VEZT: variants seen among roughly 807,000 people sequenced by gnomAD.
The protein encoded by VEZT is vezatin.
Under a neutral mutation model 79.9 loss-of-function variants are expected in VEZT, and 39 were observed. The observed-to-expected ratio is 0.49, with a 90% CI of 0.38 to 0.64. The LOEUF is 0.64. VEZT is among the 30% of genes least tolerant of loss of function. The probability of loss-of-function intolerance (pLI) is 0.00; values close to 1 mark genes in which losing one functional copy is unlikely to be tolerated. For missense variants in VEZT, 837 were observed against 893.1 expected (o/e 0.94, Z 0.80); for synonymous variants, 325 against 327.6 (o/e 0.99, Z 0.09).
chr12:95,264,624 A>G (rs2065146113), intron 4 of VEZT, among the ~76,000 whole-genome samples: 2 of 151,868 alleles, frequency 1.3e-5, no homozygotes, highest in South Asian at 4.2e-4. Flanking sequence ...TTTTTCAGAG[A>G]CAGGGTTTTG....
chr12:95,280,681 C>T (rs1398799966), intron 7 of VEZT, among the ~76,000 whole-genome samples: 7 of 152,160 alleles, frequency 4.6e-5, no homozygotes, highest in Non-Finnish European at 1.0e-4. Context: ...CTGTGCCCCT[C>T]TACTTGAATA....
chr12:95,282,613 T>G lies in VEZT; in HGVS notation c.1297T>G (p.Leu433Val), dbSNP rs1303336789. The change falls in exon 8 of 12, where the codon TTG (leucine) becomes GTG (valine). Residue 433 changes from leucine (L) to valine (V), a missense_variant. Physicochemically the swap from Leu to Val is conservative, Grantham distance 32 (BLOSUM62 1). Transcript: ENST00000436874. The part of the protein sequence containing the change: ...LNNVHTAVRS[L>V]QLHLKALLNE... Reference sequence around the variant, plus strand: ...TAATGTTCACACAGCAGTGCGTAGCTTGCAGCTCCATCTGAAAGCATTACT... The same window carrying G: ...TAATGTTCACACAGCAGTGCGTAGCGTGCAGCTCCATCTGAAAGCATTACT... The G allele has an allele frequency of 1.2e-6, 2 of 1,607,902 alleles. No individual in the cohort carries two copies. Among genetic ancestry groups the G allele is most frequent in the Non-Finnish European group, 8.5e-7 (1 of 1,175,792 alleles).
chr12:95,230,814 G>C (rs1393557036), intron 1 of VEZT, among the ~76,000 whole-genome samples: 1 of 152,078 alleles, frequency 6.6e-6, no homozygotes, highest in African/African-American at 2.4e-5. Flanking sequence ...CAGTTAATTA[G>C]CTAGATTTCA....
chr12:95,223,987 T>C (rs1274986018), intron 1 of VEZT, among the ~76,000 whole-genome samples: 1 of 152,204 alleles, frequency 6.6e-6, no homozygotes, highest in Non-Finnish European at 1.5e-5. Flanking sequence ...ATCACGAAAG[T>C]TTTGAAATGT....
At chr12:95,240,021 AAAGGAAGGAAGGAAGGAAGGAAGGAAGG>A (rs372963849) in intron 1 of VEZT, among the ~76,000 whole-genome samples, 173 of 81,464 alleles carry the variant, frequency 2.1e-3, no homozygotes, top group Middle Eastern at 5.2e-3. Flanking sequence ...AGAGAGAAAG[AAAGGAAGGAAGGAAGGAAGGAAGGAAGG>A]AAGGAAGGAA....
chr12:95,286,275 A>C, intron 8 of VEZT: 3 of 341,746 alleles, frequency 8.8e-6, no homozygotes, highest in Non-Finnish European at 1.7e-5. Context: ...TACAGGTGTG[A>C]GCCACCGTGC....
intron 1 of VEZT, among the ~76,000 whole-genome samples, chr12:95,239,984 A>AGGG (rs2060718910): frequency 2.4e-5 from 3 of 124,590 alleles, no homozygotes; most frequent in Non-Finnish European, 5.6e-5. Flanking sequence ...GAGAGAGAGG[A>AGGG]GAGAGAGAGA....
At chr12:95,232,572 T>A (rs1032701522) in intron 1 of VEZT, among the ~76,000 whole-genome samples, 1 of 152,206 alleles carries the variant, frequency 6.6e-6, no homozygotes, top group Non-Finnish European at 1.5e-5. Flanking sequence ...TTGTGCCTCA[T>A]ACTCTCTTCT....
At chr12:95,228,376 A>G (rs535193979) in intron 1 of VEZT, among the ~76,000 whole-genome samples, 9 of 152,150 alleles carry the variant, frequency 5.9e-5, no homozygotes, top group East Asian at 1.9e-4. Context: ...TCTTACTTGT[A>G]TTATTGATTT....
chr12:95,246,120 T>G (rs2061678502), intron 1 of VEZT, among the ~76,000 whole-genome samples: 1 of 152,170 alleles, frequency 6.6e-6, no homozygotes, highest in Admixed American at 6.5e-5. Context: ...TTTTCTTTTT[T>G]TTCTTTTTCT....
intron 1 of VEZT, among the ~76,000 whole-genome samples, chr12:95,237,841 A>G (rs1406636795): frequency 2.6e-5 from 4 of 152,204 alleles, no homozygotes; most frequent in African/African-American, 9.6e-5. Context: ...TGAAGGATGA[A>G]TAAAAGTCAT....
At chr12:95,295,513 C>T (rs968825740) in intron 10 of VEZT, among the ~76,000 whole-genome samples, 6 of 152,188 alleles carry the variant, frequency 3.9e-5, no homozygotes, top group African/African-American at 2.4e-5. Flanking sequence ...GCAGGTACGT[C>T]GATTAGAGAA....
At chr12:95,287,906 C>A (rs976460702) in intron 9 of VEZT, 49 bp downstream of exon 9, 19 of 1,476,870 alleles carry the variant, frequency 1.3e-5, no homozygotes, top group Non-Finnish European at 1.7e-5. Context: ...CATGCTTATT[C>A]CACTCTGGTA....
At chr12:95,271,178 TTCTC>T (rs944567328) in intron 6 of VEZT, among the ~76,000 whole-genome samples, 2 of 152,140 alleles carry the variant, frequency 1.3e-5, no homozygotes, top group Admixed American at 6.5e-5. Context: ...TTCTCTCTCT[TTCTC>T]TCTCTTTCTA....
chr12:95,294,771 T>C (rs142018556), intron 10 of VEZT, among the ~76,000 whole-genome samples: 1 of 152,338 alleles, frequency 6.6e-6, no homozygotes, highest in Non-Finnish European at 1.5e-5. Flanking sequence ...AAGGTTACTT[T>C]TGTTCATTGT....
At chr12:95,277,029 A>G (rs1444153768) in intron 7 of VEZT, among the ~76,000 whole-genome samples, 5 of 151,204 alleles carry the variant, frequency 3.3e-5, no homozygotes, top group African/African-American at 1.2e-4. Context: ...CCCCCGCACC[A>G]TCCTAGTCCC....
intron 6 of VEZT, among the ~76,000 whole-genome samples, chr12:95,273,139 C>T (rs763187732): frequency 2.6e-5 from 4 of 151,964 alleles, no homozygotes; most frequent in Non-Finnish European, 5.9e-5. Context: ...AAAAAGAAAA[C>T]ACCTGGTTTA....
chr12:95,219,112 T>C (rs1224491654), intron 1 of VEZT, among the ~76,000 whole-genome samples: 1 of 152,172 alleles, frequency 6.6e-6, no homozygotes, highest in Admixed American at 6.5e-5. Context: ...GAATAATGGC[T>C]TGGACAGACA....
At position 95,285,964 on chromosome 12, in the gene VEZT, C is replaced by T. The variant is rs574425173; in HGVS notation, c.1329-1700C>T. Among the ~76,000 whole-genome samples the T allele has an allele frequency of 2.4e-4, 35 of 148,888 alleles. No homozygotes were observed. The South Asian group carries it at 6.6e-3, about 28-fold the overall frequency. On this transcript the variant is annotated intron_variant, in intron 8 of 11. Coordinates refer to ENST00000436874, the MANE Select transcript of VEZT (RefSeq NM_017599.4). The stretch of plus-strand genomic sequence containing the variant: ...CATACTAGTAAATAAAAAACCAAGA[C>T]GCTCCCCCCGACCCCTTCTTTTTTT...
Sources: allele counts gnomAD v4.1 joint callset (sites outside exome capture counted in the v4.1 genomes callset), GRCh38; gene constraint gnomAD v4.1.1; transcripts MANE v1.5; gene names NCBI Gene and HGNC (gene_info 2026-07-23, HGNC 2026-07-21).